ATP6V1A: variants seen among roughly 807,000 people sequenced by gnomAD.
The protein encoded by ATP6V1A is ATPase H+ transporting V1 subunit A.
A neutral mutation model predicts 70.1 loss-of-function variants in ATP6V1A; 18 were observed. The ratio of observed to expected loss-of-function variants is 0.26; its 90% CI spans 0.18 to 0.38. The LOEUF (loss-of-function observed/expected upper bound fraction) is 0.38, where lower values mean the gene tolerates loss of function less well. Among genes scored for constraint, ATP6V1A ranks in the 10% least tolerant of loss-of-function variants. The pLI, the probability that ATP6V1A is intolerant of heterozygous loss-of-function variation, is 1.00. For synonymous variants in ATP6V1A, 232 were observed against 253.8 expected (o/e 0.91, Z 0.82); for missense variants, 424 against 772.4 (o/e 0.55, Z 5.35).
At chr3:113,759,458 A>C (rs975970250) in intron 1 of ATP6V1A, among the ~76,000 whole-genome samples, 1 of 151,922 alleles carries the variant, frequency 6.6e-6, no homozygotes, top group Non-Finnish European at 1.5e-5. Context: ...AATTTTAAAT[A>C]ATAATACTAG....
At chr3:113,781,992 T>A (rs1708981926) in intron 3 of ATP6V1A, among the ~76,000 whole-genome samples, 1 of 152,236 alleles carries the variant, frequency 6.6e-6, no homozygotes, top group Admixed American at 6.5e-5. Context: ...ATAGTATTTA[T>A]TTTCAATTTT....
intron 7 of ATP6V1A, among the ~76,000 whole-genome samples, chr3:113,789,477 A>T (rs1709069605): frequency 6.6e-6 from 1 of 152,176 alleles, no homozygotes. Context: ...GTGATTTATG[A>T]TCTAGATTAT....
chr3:113,760,436 A>G (rs1322920652), intron 1 of ATP6V1A, among the ~76,000 whole-genome samples: 10 of 152,196 alleles, frequency 6.6e-5, no homozygotes, highest in Non-Finnish European at 1.3e-4. Context: ...CCATTAAATA[A>G]ACGAGAGGAT....
chr3:113,798,209 T>G, intron 11 of ATP6V1A, 34 bp from the exon 12 acceptor site: 1 of 1,597,928 alleles, frequency 6.3e-7, no homozygotes, highest in East Asian at 2.2e-5. Flanking sequence ...TTGAGAAAAA[T>G]TACTGTTTTT....
chr3:113,809,302 A>G lies in ATP6V1A; in HGVS notation c.1762-33A>G, dbSNP rs150279867. ...CATACGTAATGAAAATTATTTTCCA[A>G]ATGCGAGTTGAATTTGTAATGTCTT... On this transcript the variant is annotated intron_variant, in intron 14 of 14. Coordinates refer to ENST00000273398, the MANE Select transcript of ATP6V1A (RefSeq NM_001690.4). 5.3e-4 allele frequency: 839 copies of G among 1,568,454 alleles called. 5 individuals carry two copies. The African/African-American group carries it at 0.01, about 19-fold the overall frequency.
chr3:113,763,364 G>A (rs1708728297), intron 1 of ATP6V1A, among the ~76,000 whole-genome samples: 1 of 152,248 alleles, frequency 6.6e-6, no homozygotes, highest in Non-Finnish European at 1.5e-5. Flanking sequence ...TGGGATTACA[G>A]GCATGAGCCG....
intron 1 of ATP6V1A, among the ~76,000 whole-genome samples, chr3:113,758,256 T>C (rs1436631150): frequency 6.6e-6 from 1 of 152,228 alleles, no homozygotes; most frequent in Non-Finnish European, 1.5e-5. Flanking sequence ...AACTTGTGCT[T>C]TTTAAAAAAT....
At chr3:113,778,151 T>C (rs2108024946) in intron 1 of ATP6V1A, among the ~76,000 whole-genome samples, 1 of 152,130 alleles carries the variant, frequency 6.6e-6, no homozygotes, top group East Asian at 1.9e-4. Flanking sequence ...CCCAGCACTT[T>C]GGGAGGCTGA....
At position 113,786,318 on chromosome 3, in the gene ATP6V1A, C is replaced by T. The variant is rs1313821455; in HGVS notation, c.651C>T (p.Val217=). 1.2e-6 allele frequency: 2 copies of T among 1,613,552 alleles called. No homozygotes were observed. Among genetic ancestry groups the T allele is most frequent in the Non-Finnish European group, 1.7e-6 (2 of 1,179,688 alleles). The part of the protein sequence containing the change: ...QVWPVRQVRP[V]TEKLPANHPL... The stretch of plus-strand genomic sequence containing the variant: ...GGCCTGTACGTCAAGTTCGACCTGT[C>T]ACTGAGAAGCTGCCAGCCAATCATC... Residue 217 remains valine, a synonymous_variant, in exon 6 of 15, where the codon GTC becomes GTT. Coordinates refer to ENST00000273398, the MANE Select transcript of ATP6V1A (RefSeq NM_001690.4).
chr3:113,762,090 T>C (rs1708711137), intron 1 of ATP6V1A, among the ~76,000 whole-genome samples: 1 of 130,114 alleles, frequency 7.7e-6, no homozygotes, highest in African/African-American at 2.8e-5. Flanking sequence ...AGGCAGAGGT[T>C]GTGGTGAGCC....
chr3:113,789,228 G>A (rs1046741307), intron 7 of ATP6V1A, among the ~76,000 whole-genome samples: 1 of 152,070 alleles, frequency 6.6e-6, no homozygotes. Flanking sequence ...TGTATTTTTA[G>A]TAGAGACGGG....
intron 2 of ATP6V1A, among the ~76,000 whole-genome samples, chr3:113,779,785 A>T (rs1439923072): frequency 6.6e-6 from 1 of 152,224 alleles, no homozygotes; most frequent in East Asian, 1.9e-4. Flanking sequence ...AACATCAGAG[A>T]GTTTAGGAAA....
chr3:113,769,433 CTAATG>C (rs766469082), intron 1 of ATP6V1A, among the ~76,000 whole-genome samples: 1 of 152,090 alleles, frequency 6.6e-6, no homozygotes, highest in Admixed American at 6.5e-5. Flanking sequence ...TCATTACACT[CTAATG>C]TAACAAGTGT....
intron 11 of ATP6V1A, among the ~76,000 whole-genome samples, 182 bp from the exon 12 acceptor site, chr3:113,798,061 A>G (rs900415515): frequency 6.6e-6 from 1 of 152,050 alleles, no homozygotes; most frequent in Non-Finnish European, 1.5e-5. Context: ...TGAACCCATG[A>G]GGTGGAGGTT....
chr3:113,794,823 T>G (rs764202999), intron 8 of ATP6V1A, 49 bp from the exon 9 acceptor site: 4 of 1,560,164 alleles, frequency 2.6e-6, no homozygotes, highest in Non-Finnish European at 2.6e-6. Flanking sequence ...AAAAACAGGA[T>G]TTTTATATGC....
At chr3:113,775,375 G>A (rs1244456260) in intron 1 of ATP6V1A, among the ~76,000 whole-genome samples, 2 of 151,524 alleles carry the variant, frequency 1.3e-5, no homozygotes, top group South Asian at 2.1e-4. Context: ...AATTACAGGC[G>A]CCCACCACCA....
At chr3:113,791,452 G>T (rs1236809346) in intron 8 of ATP6V1A, among the ~76,000 whole-genome samples, 2 of 145,828 alleles carry the variant, frequency 1.4e-5, no homozygotes, top group African/African-American at 5.1e-5. Context: ...CAAGTTATTT[G>T]ACCATCATTG....
intron 1 of ATP6V1A, among the ~76,000 whole-genome samples, chr3:113,749,134 C>G (rs1577077323): frequency 6.6e-6 from 1 of 152,062 alleles, no homozygotes; most frequent in South Asian, 2.1e-4. Context: ...TTCACAATTC[C>G]CCCAGTTTTA....
At chr3:113,763,247 C>G (rs1437653747) in intron 1 of ATP6V1A, among the ~76,000 whole-genome samples, 1 of 152,144 alleles carries the variant, frequency 6.6e-6, no homozygotes, top group African/African-American at 2.4e-5. Flanking sequence ...GCCATCACGC[C>G]CAGCTAATTT....
Sources: allele counts gnomAD v4.1 joint callset (sites outside exome capture counted in the v4.1 genomes callset), GRCh38; gene constraint gnomAD v4.1.1; transcripts MANE v1.5; gene names NCBI Gene and HGNC (gene_info 2026-07-23, HGNC 2026-07-21).